Variants in NBN observed in about 807,000 individuals in gnomAD.
The protein encoded by NBN is Nijmegen breakage syndrome 1 (nibrin).
A neutral mutation model predicts 90.8 loss-of-function variants in NBN; 88 were observed. The ratio of observed to expected loss-of-function variants is 0.97; its 90% confidence interval spans 0.82 to 1.16. The LOEUF (loss-of-function observed/expected upper bound fraction) is 1.16. Ranked by LOEUF, NBN falls within the 50% of genes most tolerant of loss-of-function variation. The pLI, the probability that NBN is intolerant of heterozygous loss-of-function variation, is 0.00. For synonymous variants in NBN, 328 were observed against 295.1 expected, an observed-to-expected ratio of 1.11 and a Z score of -1.14; for missense variants, 894 against 869.6, an observed-to-expected ratio of 1.03 and a Z score of -0.35.
At chr8:89,946,792 G>A (rs1291241360) in intron 12 of NBN, among the ~76,000 whole-genome samples, 2 of 152,002 alleles carry the variant, frequency 1.3e-5, no homozygotes, top group Non-Finnish European at 2.9e-5. Context: ...CATCAGTTCT[G>A]GACATACTAT....
In NBN at chr8:89,974,251, CTTT is replaced by C. The variant is rs905605538; in HGVS notation, c.585-2964_585-2962del. 6.6e-5 allele frequency among the ~76,000 whole-genome samples: 7 copies of C among 106,502 alleles called. No homozygotes were observed. In the South Asian group the frequency reaches 8.8e-4, roughly 13 times the overall value. 69.9% of individuals were successfully genotyped at this position (106,502 alleles called of 152,430 possible). A position where few individuals can be genotyped will look rare whatever the true frequency, so the allele number is the denominator to read the frequency against. On this transcript the variant is annotated intron_variant, in intron 5 of 15. Transcript: ENST00000265433. ...ATTTCTAGAACCATTTACTATATGGCTTTTTTTTTTTTTTTTTTTTGGTGATCT... is the reference window on the plus strand; with the variant it reads ...ATTTCTAGAACCATTTACTATATGGCTTTTTTTTTTTTTTTTTGGTGATCT...
intron 7 of NBN, among the ~76,000 whole-genome samples, chr8:89,964,802 C>A (rs1475869520): frequency 6.6e-6 from 1 of 152,064 alleles, no homozygotes; most frequent in African/African-American, 2.4e-5. Context: ...TACAGTACTA[C>A]CCAAATTAAA....
intron 8 of NBN, among the ~76,000 whole-genome samples, chr8:89,963,609 G>C (rs1167573886): frequency 6.6e-6 from 1 of 151,772 alleles, no homozygotes; most frequent in Non-Finnish European, 1.5e-5. Flanking sequence ...CTAATAAAGG[G>C]GAAACAGTGA....
chr8:89,980,362 T>C (rs934182911), intron 4 of NBN, among the ~76,000 whole-genome samples: 6 of 151,302 alleles, frequency 4.0e-5, no homozygotes, highest in Non-Finnish European at 5.9e-5. Flanking sequence ...AAAGACAACT[T>C]GATAGAAAGA....
intron 11 of NBN, among the ~76,000 whole-genome samples, chr8:89,952,895 G>A (rs1810504327): frequency 6.6e-6 from 1 of 152,118 alleles, no homozygotes. Context: ...AAAATTTATT[G>A]AGTAGATACT....
chr8:89,978,255 T>C lies in NBN; in HGVS notation c.549A>G (p.Ala183=), dbSNP rs780661058. The change falls in exon 5 of 16, where the codon GCA becomes GCG. Residue 183 remains alanine, a synonymous_variant. Transcript: ENST00000265433. ...GTGGAGGCTGCTTCTTGGACTCAAC[T>C]GCTTTCAGGAATTCAGTAAAATATT... is the stretch of plus-strand genomic sequence containing the variant. ...KPEYFTEFLK[A]VESKKQPPQI... The C allele has an allele frequency of 6.2e-7, 1 of 1,605,904 alleles. No homozygotes were observed. The highest frequency in any genetic ancestry group is 2.2e-5 in the East Asian group (1 of 44,718).
At chr8:89,969,128 T>C (rs1020956842) in intron 7 of NBN, among the ~76,000 whole-genome samples, 5 of 152,216 alleles carry the variant, frequency 3.3e-5, no homozygotes, top group African/African-American at 9.7e-5. Context: ...ATAAACACTT[T>C]AGTCCTCACC....
intron 11 of NBN, among the ~76,000 whole-genome samples, chr8:89,952,577 C>A (rs904370362): frequency 6.6e-6 from 1 of 152,114 alleles, no homozygotes; most frequent in Non-Finnish European, 1.5e-5. Flanking sequence ...CCTATCCTTT[C>A]GCCTATTCCT....
At chr8:89,978,134 C>A in intron 5 of NBN, 86 bp downstream of exon 5, 1 of 1,171,138 alleles carries the variant, frequency 8.5e-7, no homozygotes, top group Non-Finnish European at 1.3e-6. Context: ...CATCCTGAAA[C>A]AAGCATTAAA....
intron 7 of NBN, among the ~76,000 whole-genome samples, chr8:89,967,991 C>T (rs1322404714): frequency 6.6e-6 from 1 of 152,182 alleles, no homozygotes. Flanking sequence ...GGTGTGGTGG[C>T]TCACACCTAT....
At chr8:89,955,138 C>T in intron 10 of NBN, 145 bp downstream of exon 10, 1 of 733,882 alleles carries the variant, frequency 1.4e-6, no homozygotes, top group African/African-American at 1.8e-5. Context: ...AGATCAGGGA[C>T]ATTTCTGAGA....
At chr8:89,973,538 A>G (rs182035250) in intron 5 of NBN, among the ~76,000 whole-genome samples, 56 of 152,332 alleles carry the variant, frequency 3.7e-4, no homozygotes, top group Non-Finnish European at 7.1e-4. Context: ...ACACATTCAT[A>G]CATAGATAAT....
At chr8:89,958,106 T>G (rs942336533) in intron 9 of NBN, among the ~76,000 whole-genome samples, 3 of 152,084 alleles carry the variant, frequency 2.0e-5, no homozygotes, top group African/African-American at 7.2e-5. Context: ...CAGCTCACAA[T>G]AGGGTTTGTG....
chr8:89,967,056 T>C (rs367954662), intron 7 of NBN, among the ~76,000 whole-genome samples: 131 of 152,368 alleles, frequency 8.6e-4, no homozygotes, highest in African/African-American at 2.8e-3. Context: ...CATTTCATTA[T>C]GACATCGGCA....
chr8:89,955,684 G>A (rs1434228298), intron 9 of NBN, 129 bp from the exon 10 acceptor site: 1 of 1,083,002 alleles, frequency 9.2e-7, no homozygotes, highest in East Asian at 2.6e-5. Context: ...AAAATACACT[G>A]AATATATTTT....
chr8:89,981,941 T>C (rs1812091273), intron 2 of NBN: 1 of 1,164,456 alleles, frequency 8.6e-7, no homozygotes, highest in Non-Finnish European at 1.1e-6. Flanking sequence ...TAGGCTAGTG[T>C]TTCTGACTTA....
chr8:89,984,314 C>T, intron 1 of NBN: 1 of 622,230 alleles, frequency 1.6e-6, no homozygotes, highest in Non-Finnish European at 2.9e-6. Context: ...GCGCCGCAAT[C>T]ACCCCACCGC....
intron 10 of NBN, among the ~76,000 whole-genome samples, chr8:89,954,033 G>A (rs1015854608): frequency 3.9e-5 from 6 of 152,102 alleles, no homozygotes; most frequent in African/African-American, 1.2e-4. Context: ...ACTTTATAAC[G>A]TAGTAAGGTT....
At position 89,934,784 on chromosome 8, in the gene NBN, G is replaced by T; in HGVS notation, c.*798C>A. 1 of 232,970 alleles carries T rather than the reference G, an allele frequency of 4.3e-6. No individual in the cohort carries two copies. The highest frequency in any genetic ancestry group is 5.6e-5 in the Admixed American group (1 of 17,776). 14.4% of individuals were successfully genotyped at this position (232,970 alleles called of 1,614,324 possible). ...ATTGTTTCTTACCATCTCCCTTTAA[G>T]GTAGAAAAAGAAAACAATCTCACCA... On this transcript the variant is annotated 3_prime_UTR_variant, in exon 16 of 16. Coordinates refer to ENST00000265433, the MANE Select transcript of NBN (RefSeq NM_002485.5).
Sources: allele counts gnomAD v4.1 joint callset (sites outside exome capture counted in the v4.1 genomes callset), GRCh38; gene constraint gnomAD v4.1.1; transcripts MANE v1.5; gene names NCBI Gene and HGNC (gene_info 2026-07-23, HGNC 2026-07-21).